The following PLXNC1 variants were observed in gnomAD, a reference collection of about 807,000 sequenced individuals.
PLXNC1 encodes the protein plexin-C1.
A neutral mutation model predicts 178.2 loss-of-function variants in PLXNC1; 75 were observed. That is an observed-to-expected ratio of 0.42 (90% CI 0.35 to 0.51). The LOEUF (loss-of-function observed/expected upper bound fraction) is 0.51, where lower values mean the gene tolerates loss of function less well. Among genes scored for constraint, PLXNC1 ranks in the 20% least tolerant of loss-of-function variants. PLXNC1 has a pLI of 0.02. For synonymous variants in PLXNC1, 790 were observed against 779.9 expected, an observed-to-expected ratio of 1.01 and a Z score of -0.22; for missense variants, 1,503 against 1,984.4, an observed-to-expected ratio of 0.76 and a Z score of 4.61.
chr12:94,206,494 T>C (rs1289544857), intron 4 of PLXNC1, among the ~76,000 whole-genome samples: 1 of 152,102 alleles, frequency 6.6e-6, no homozygotes, highest in Non-Finnish European at 1.5e-5. Flanking sequence ...TGGGGGATTT[T>C]TTTTTTTTTC....
At chr12:94,246,116 CCAG>C (rs1273758489) in intron 12 of PLXNC1, among the ~76,000 whole-genome samples, 1 of 152,210 alleles carries the variant, frequency 6.6e-6, no homozygotes, top group Non-Finnish European at 1.5e-5. Context: ...TGTCCAACCC[CCAG>C]CAGGGGCCAG....
intron 28 of PLXNC1, 21 bp from the exon 29 acceptor site, chr12:94,303,732 CTTT>C (rs201354613): frequency 6.1e-3 from 5,039 of 831,510 alleles, no homozygotes; most frequent in Admixed American, 0.01. Context: ...GTGATGGTTG[CTTT>C]TTTTTTTTTT....
chr12:94,166,900 G>A (rs959858879), intron 1 of PLXNC1, among the ~76,000 whole-genome samples: 1 of 152,052 alleles, frequency 6.6e-6, no homozygotes, highest in African/African-American at 2.4e-5. Context: ...CTAAATAGGT[G>A]GGACAACAGG....
chr12:94,187,775 G>A (rs1181187311), intron 4 of PLXNC1, among the ~76,000 whole-genome samples: 5 of 152,166 alleles, frequency 3.3e-5, no homozygotes, highest in African/African-American at 9.7e-5. Context: ...AGCGGCTAAC[G>A]TATTAACAAG....
At chr12:94,202,625 G>T (rs1436615395) in intron 4 of PLXNC1, among the ~76,000 whole-genome samples, 2 of 152,230 alleles carry the variant, frequency 1.3e-5, no homozygotes, top group African/African-American at 4.8e-5. Flanking sequence ...ACCAAGTGTT[G>T]CAGGCCCAGG....
At chr12:94,180,061 C>G (rs1222982668) in intron 2 of PLXNC1, among the ~76,000 whole-genome samples, 1 of 152,162 alleles carries the variant, frequency 6.6e-6, no homozygotes, top group Non-Finnish European at 1.5e-5. Context: ...TCTTCATACC[C>G]ACACTTCAAA....
At chr12:94,259,408 G>A in intron 18 of PLXNC1, 33 bp downstream of exon 18, 1 of 1,535,368 alleles carries the variant, frequency 6.5e-7, no homozygotes, top group Middle Eastern at 1.7e-4. Context: ...TTAGCCCAGT[G>A]ACTGCCTGAT....
At chr12:94,194,340 A>G (rs1342001532) in intron 4 of PLXNC1, among the ~76,000 whole-genome samples, 1 of 152,174 alleles carries the variant, frequency 6.6e-6, no homozygotes, top group African/African-American at 2.4e-5. Flanking sequence ...GATCCAAACG[A>G]TATCAGGTCC....
intron 2 of PLXNC1, among the ~76,000 whole-genome samples, chr12:94,169,500 AC>A (rs1368232810): frequency 2.0e-5 from 3 of 152,192 alleles, no homozygotes; most frequent in African/African-American, 7.2e-5. Context: ...AGTATCAGCT[AC>A]CTTGCTGCCC....
chr12:94,243,629 T>G (rs534918557), intron 11 of PLXNC1, among the ~76,000 whole-genome samples: 1 of 152,330 alleles, frequency 6.6e-6, no homozygotes, highest in South Asian at 2.1e-4. Flanking sequence ...GCTCCTGATC[T>G]GATTATATGT....
chr12:94,239,982 G>A, intron 10 of PLXNC1, among the ~76,000 whole-genome samples: 1 of 152,152 alleles, frequency 6.6e-6, no homozygotes, highest in South Asian at 2.1e-4. Context: ...GAACCTCTCT[G>A]TAGCCATTCC....
Position 94,298,759 on chromosome 12 carries a change from C to A in PLXNC1, c.4202C>A (p.Thr1401Lys). 6.2e-7 allele frequency: 1 copy of A among 1,612,530 alleles called. No individual in the cohort carries two copies. Among genetic ancestry groups the A allele is most frequent in the Non-Finnish European group, 8.5e-7 (1 of 1,179,644 alleles). The change falls in exon 27 of 31, where the codon ACA becomes AAA. Residue 1401 changes from threonine to lysine, a missense_variant. Thr to Lys is a moderately conservative substitution (Grantham distance 78, BLOSUM62 -1). Transcript: ENST00000258526. ...GCCCAGGCTGAAAACAAAAAAATCA[C>A]AGATCCTGACGTCGTACATATTTGG... ...LDAQAENKKI[T>K]DPDVVHIWKT...
chr12:94,286,054 G>A (rs185106657), intron 23 of PLXNC1, among the ~76,000 whole-genome samples: 221 of 152,276 alleles, frequency 1.5e-3, no homozygotes, highest in Non-Finnish European at 2.2e-3. Context: ...AAGGCCTGTC[G>A]GGAGAGATAG....
intron 4 of PLXNC1, among the ~76,000 whole-genome samples, chr12:94,189,127 G>A (rs1203669450): frequency 1.3e-5 from 2 of 152,230 alleles, no homozygotes; most frequent in African/African-American, 2.4e-5. Flanking sequence ...CTCAAGCTGC[G>A]TTCAGCTTTG....
intron 19 of PLXNC1, 26 bp downstream of exon 19, chr12:94,259,760 A>G: frequency 2.6e-6 from 4 of 1,567,972 alleles, no homozygotes; most frequent in Non-Finnish European, 2.6e-6. Flanking sequence ...TTGATGTTTT[A>G]AAAGCCTTTA....
chr12:94,170,044 A>G (rs1292854728), intron 2 of PLXNC1, among the ~76,000 whole-genome samples: 7 of 152,204 alleles, frequency 4.6e-5, no homozygotes, highest in Non-Finnish European at 1.0e-4. Flanking sequence ...GTCTCCAACA[A>G]CATTCCTGGT....
At chr12:94,243,738 C>T (rs1243701226) in intron 11 of PLXNC1, among the ~76,000 whole-genome samples, 200 bp from the exon 12 acceptor site, 1 of 152,186 alleles carries the variant, frequency 6.6e-6, no homozygotes, top group Non-Finnish European at 1.5e-5. Context: ...ATTTATGCAT[C>T]TTGAAACCCA....
chr12:94,261,785 C>T (rs1964994879), intron 20 of PLXNC1, among the ~76,000 whole-genome samples: 3 of 152,182 alleles, frequency 2.0e-5, no homozygotes, highest in African/African-American at 7.2e-5. Flanking sequence ...AACAGTGCTA[C>T]TTAAGTTTAG....
intron 4 of PLXNC1, among the ~76,000 whole-genome samples, chr12:94,198,061 C>A (rs1962982417): frequency 6.6e-6 from 1 of 152,140 alleles, no homozygotes; most frequent in African/African-American, 2.4e-5. Context: ...TAACACAGGT[C>A]AAAATCCCTC....
Sources: gnomAD v4.1 joint callset for allele counts (sites outside exome capture counted in the v4.1 genomes callset) on GRCh38, gnomAD v4.1.1 for gene constraint, MANE v1.5 for transcripts, NCBI Gene and HGNC (gene_info 2026-07-23, HGNC 2026-07-21) for gene names.